The following MSRA variants were observed in gnomAD, a reference collection of about 807,000 sequenced individuals.
The protein encoded by MSRA is methionine sulfoxide reductase A.
MSRA carries 54 observed loss-of-function variants against 31.3 expected under a neutral mutation model. The observed-to-expected ratio is 1.73, with a 90% CI of 1.39 to 2.17. The LOEUF is 2.17. MSRA is among the 30% of genes most tolerant of loss of function. MSRA has a pLI of 0.00. For missense variants in MSRA, 507 were observed against 300.9 expected (o/e 1.69, Z -5.07); for synonymous variants, 169 against 116.5 (o/e 1.45, Z -2.90).
At chr8:10,346,135 T>C (rs1235666031) in intron 5 of MSRA, among the ~76,000 whole-genome samples, 1 of 152,240 alleles carries the variant, frequency 6.6e-6, no homozygotes, top group Non-Finnish European at 1.5e-5. Context: ...TACCAGGCCA[T>C]CCCTGGCCCT....
intron 1 of MSRA, among the ~76,000 whole-genome samples, chr8:10,129,332 T>G (rs1157213305): frequency 1.3e-5 from 2 of 152,142 alleles, no homozygotes; most frequent in Non-Finnish European, 2.9e-5. Context: ...CCTTTGGCTC[T>G]CCTACTTGGA....
At chr8:10,136,854 G>C (rs1270666810) in intron 1 of MSRA, among the ~76,000 whole-genome samples, 4 of 152,146 alleles carry the variant, frequency 2.6e-5, no homozygotes, top group Non-Finnish European at 5.9e-5. Context: ...TGTAAAATTA[G>C]AACTTGTGTC....
At chr8:10,203,810 T>A (rs1365017190) in intron 1 of MSRA, among the ~76,000 whole-genome samples, 1 of 152,220 alleles carries the variant, frequency 6.6e-6, no homozygotes, top group African/African-American at 2.4e-5. Flanking sequence ...CCATAGGAGA[T>A]GACAGCTCCA....
At chr8:10,355,576 C>G (rs1804460465) in intron 5 of MSRA, among the ~76,000 whole-genome samples, 1 of 152,162 alleles carries the variant, frequency 6.6e-6, no homozygotes, top group Non-Finnish European at 1.5e-5. Flanking sequence ...CTGATGGATG[C>G]ATTTCTTCAG....
intron 1 of MSRA, among the ~76,000 whole-genome samples, chr8:10,089,022 GATAA>G (rs1391348452): frequency 6.6e-6 from 1 of 152,088 alleles, no homozygotes; most frequent in African/African-American, 2.4e-5. Context: ...TAGATCAAAG[GATAA>G]ATAAAAACAG....
chr8:10,359,690 C>G (rs1418664916), intron 5 of MSRA, among the ~76,000 whole-genome samples: 5 of 152,080 alleles, frequency 3.3e-5, no homozygotes, highest in South Asian at 2.1e-4. Context: ...AGCTTTTGTC[C>G]CCCAAGAGGA....
chr8:10,365,308 A>G (rs2129167385), intron 5 of MSRA, among the ~76,000 whole-genome samples: 1 of 152,142 alleles, frequency 6.6e-6, no homozygotes, highest in South Asian at 2.1e-4. Context: ...ATGGAGCCGC[A>G]TTCCTGCTGC....
intron 5 of MSRA, among the ~76,000 whole-genome samples, chr8:10,405,158 T>C (rs897931367): frequency 6.6e-6 from 1 of 152,206 alleles, no homozygotes; most frequent in Non-Finnish European, 1.5e-5. Flanking sequence ...GACATGTCTA[T>C]GCCACAGTGA....
At chr8:10,138,712 C>T (rs941037207) in intron 1 of MSRA, among the ~76,000 whole-genome samples, 1 of 152,126 alleles carries the variant, frequency 6.6e-6, no homozygotes, top group Non-Finnish European at 1.5e-5. Context: ...AAAGAGGTTG[C>T]TCGCTGTTGA....
At chr8:10,346,866 G>C (rs1167513213) in intron 5 of MSRA, among the ~76,000 whole-genome samples, 1 of 152,210 alleles carries the variant, frequency 6.6e-6, no homozygotes, top group East Asian at 1.9e-4. Context: ...ACTCTAAACA[G>C]TAGGTTGGCT....
intron 1 of MSRA, among the ~76,000 whole-genome samples, chr8:10,134,759 G>A (rs1802148687): frequency 6.6e-6 from 1 of 152,216 alleles, no homozygotes; most frequent in Non-Finnish European, 1.5e-5. Context: ...GCAGAACAGA[G>A]CAACTAGACC....
intron 2 of MSRA, among the ~76,000 whole-genome samples, chr8:10,235,667 C>T (rs1367553289): frequency 6.6e-6 from 1 of 152,104 alleles, no homozygotes; most frequent in Non-Finnish European, 1.5e-5. Context: ...TGAAACAAAG[C>T]ATCCCCTAAT....
intron 3 of MSRA, among the ~76,000 whole-genome samples, chr8:10,250,266 C>T (rs529168481): frequency 1.9e-4 from 29 of 152,244 alleles, no homozygotes; most frequent in African/African-American, 4.8e-4. Flanking sequence ...TTTGTAATAA[C>T]GACTGTACAG....
intron 1 of MSRA, among the ~76,000 whole-genome samples, chr8:10,152,591 T>A (rs1380213325): frequency 1.3e-5 from 2 of 152,212 alleles, no homozygotes; most frequent in Non-Finnish European, 2.9e-5. Context: ...AATATTTCTC[T>A]TCATTGTTTT....
intron 1 of MSRA, among the ~76,000 whole-genome samples, chr8:10,126,600 C>T (rs1212291132): frequency 6.6e-6 from 1 of 152,192 alleles, no homozygotes; most frequent in Non-Finnish European, 1.5e-5. Context: ...ACAACCTCTG[C>T]CTCCTGGGTT....
chr8:10,271,818 A>G (rs1585327903), intron 3 of MSRA, among the ~76,000 whole-genome samples: 2 of 151,668 alleles, frequency 1.3e-5, no homozygotes, highest in Admixed American at 1.3e-4. Context: ...TCCTGGGTTC[A>G]AGTGACTCTC....
intron 5 of MSRA, among the ~76,000 whole-genome samples, chr8:10,344,110 G>T (rs1205165254): frequency 6.6e-6 from 1 of 152,170 alleles, no homozygotes; most frequent in East Asian, 1.9e-4. Flanking sequence ...TCTTGCTAAG[G>T]AAGTTGCATG....
chr8:10,086,321 G>A (rs1187740251), intron 1 of MSRA, among the ~76,000 whole-genome samples: 2 of 152,172 alleles, frequency 1.3e-5, no homozygotes, highest in African/African-American at 2.4e-5. Context: ...GGTTGAGAAA[G>A]GAATGAAGGT....
chr8:10,339,281 C>A (rs995877520), intron 5 of MSRA, among the ~76,000 whole-genome samples: 2 of 152,154 alleles, frequency 1.3e-5, no homozygotes, highest in East Asian at 3.9e-4. Flanking sequence ...GAGACAGGCC[C>A]TTTCTGTAAC....
Sources: allele counts gnomAD v4.1 joint callset (sites outside exome capture counted in the v4.1 genomes callset), GRCh38; gene constraint gnomAD v4.1.1; transcripts MANE v1.5; gene names NCBI Gene and HGNC (gene_info 2026-07-23, HGNC 2026-07-21).